The following LINGO1 variants were observed in gnomAD, a reference collection of about 807,000 sequenced individuals.
The protein encoded by LINGO1 is leucine rich repeat and Ig domain containing 1.
Under a neutral mutation model 37.3 loss-of-function variants are expected in LINGO1, and 11 were observed. The ratio of observed to expected loss-of-function variants is 0.29; its 90% CI spans 0.19 to 0.49. The LOEUF (loss-of-function observed/expected upper bound fraction) is 0.49, where lower values mean the gene tolerates loss of function less well. Ranked by LOEUF, LINGO1 falls within the 20% of genes least tolerant of loss-of-function variation. LINGO1 has a pLI of 0.99. For missense variants in LINGO1, 585 were observed against 878.2 expected, an observed-to-expected ratio of 0.67 and a Z score of 4.22; for synonymous variants, 387 against 403.0, an observed-to-expected ratio of 0.96 and a Z score of 0.48.
chr15:77,658,785 A>C (rs943492936), intron 3 of LINGO1, among the ~76,000 whole-genome samples: 1 of 152,216 alleles, frequency 6.6e-6, no homozygotes, highest in Non-Finnish European at 1.5e-5. Context: ...TGAGTCCTGA[A>C]CATGATGAAA....
chr15:77,777,703 G>C (rs1312950933), intron 1 of LINGO1, among the ~76,000 whole-genome samples: 1 of 152,156 alleles, frequency 6.6e-6, no homozygotes, highest in African/African-American at 2.4e-5. Context: ...GCGGCAGGAG[G>C]ATTCTTAAGG....
chr15:77,704,535 C>G (rs546407651), intron 2 of LINGO1, among the ~76,000 whole-genome samples: 4 of 150,994 alleles, frequency 2.6e-5, no homozygotes, highest in Admixed American at 6.6e-5. Flanking sequence ...AGCCCCAACC[C>G]TGGCCACACA....
At chr15:77,624,465 G>A (rs1447220891) in intron 1 of LINGO1, among the ~76,000 whole-genome samples, 1 of 152,162 alleles carries the variant, frequency 6.6e-6, no homozygotes, top group Admixed American at 6.5e-5. Context: ...GAATGCCCCT[G>A]CCCACCTCAC....
upstream of LINGO1, among the ~76,000 whole-genome samples, chr15:77,699,404 C>T (rs894868000): frequency 9.4e-6 from 1 of 106,410 alleles, no homozygotes; most frequent in African/African-American, 3.5e-5. Context: ...AACCATCATC[C>T]CCACACACAG....
In LINGO1 at chr15:77,712,259, C is replaced by A. The variant is rs556868462; in HGVS notation, c.-194-21358G>T. On this transcript the variant is annotated intron_variant, in intron 2 of 3. Transcript: ENST00000561686. ...CACCATGGCTCCTGGTCAAACCTCC[C>A]AGCTGGCCCTCCAGCTCCTCTCCTT... Among the ~76,000 whole-genome samples, 11 of 152,260 alleles carry A rather than the reference C, an allele frequency of 7.2e-5. No individual in the cohort carries two copies. In the South Asian group the frequency reaches 1.9e-3, roughly 26 times the overall value.
intron 2 of LINGO1, among the ~76,000 whole-genome samples, chr15:77,689,515 C>A (rs2075567167): frequency 6.6e-6 from 1 of 152,214 alleles, no homozygotes; most frequent in Non-Finnish European, 1.5e-5. Context: ...TGGGGGCCAC[C>A]TCACCTGGGC....
At chr15:77,650,824 T>TA (rs897642074) in intron 3 of LINGO1, among the ~76,000 whole-genome samples, 3 of 151,796 alleles carry the variant, frequency 2.0e-5, no homozygotes, top group Non-Finnish European at 2.9e-5. Context: ...GGTGATGGGA[T>TA]AAGGACTGAG....
intron 1 of LINGO1, among the ~76,000 whole-genome samples, chr15:77,800,110 G>A (rs1325629266): frequency 6.6e-6 from 1 of 152,224 alleles, no homozygotes; most frequent in African/African-American, 2.4e-5. Context: ...GGAGGGACTA[G>A]GATTGGCTCA....
At chr15:77,778,464 G>A (rs1017157743) in intron 1 of LINGO1, among the ~76,000 whole-genome samples, 3 of 152,098 alleles carry the variant, frequency 2.0e-5, no homozygotes, top group African/African-American at 4.8e-5. Context: ...GACAACTAAC[G>A]GGCACATCAA....
intron 3 of LINGO1, chr15:77,648,251 C>G (rs1048675789): frequency 2.6e-4 from 64 of 242,864 alleles, no homozygotes; most frequent in South Asian, 6.1e-4. Context: ...CTGTGCTAGA[C>G]ACTTCACATG....
upstream of LINGO1, chr15:77,634,228 T>G (rs1478631626): frequency 2.3e-6 from 1 of 441,586 alleles, no homozygotes; most frequent in Non-Finnish European, 4.4e-6. Context: ...AACAGCACCT[T>G]GTTTCTCGCT....
intron 1 of LINGO1, among the ~76,000 whole-genome samples, chr15:77,754,074 A>C (rs924318709): frequency 6.6e-6 from 1 of 151,150 alleles, no homozygotes; most frequent in Admixed American, 6.6e-5. Context: ...TGGGAGAGAG[A>C]GTGGGAGCAG....
chr15:77,682,550 AGC>A (rs928108837), intron 2 of LINGO1, among the ~76,000 whole-genome samples: 3 of 151,904 alleles, frequency 2.0e-5, no homozygotes, highest in African/African-American at 7.3e-5. Flanking sequence ...TCAGTCATGT[AGC>A]CCCCCAAGCC....
intron 1 of LINGO1, among the ~76,000 whole-genome samples, chr15:77,622,664 G>A (rs948849067): frequency 1.3e-5 from 2 of 152,190 alleles, no homozygotes; most frequent in African/African-American, 2.4e-5. Flanking sequence ...GCGTGTTAGC[G>A]GGAACTGTGC....
chr15:77,666,362 C>T (rs2075130340), intron 3 of LINGO1, among the ~76,000 whole-genome samples: 1 of 152,220 alleles, frequency 6.6e-6, no homozygotes, highest in East Asian at 1.9e-4. Context: ...AGCAGGCACA[C>T]ATCAGAGAAC....
intron 1 of LINGO1, among the ~76,000 whole-genome samples, chr15:77,619,608 G>A (rs1164601430): frequency 2.0e-5 from 3 of 152,010 alleles, no homozygotes; most frequent in East Asian, 1.9e-4. Flanking sequence ...AATCCCTTGA[G>A]GCCAGGAGTT....
At chr15:77,707,389 C>T (rs1215150169) in intron 2 of LINGO1, 2 of 152,238 alleles carry the variant, frequency 1.3e-5, no homozygotes, top group Non-Finnish European at 2.9e-5. Flanking sequence ...ACAGACCCTA[C>T]TCACCATGAC....
intron 2 of LINGO1, among the ~76,000 whole-genome samples, chr15:77,711,388 C>A (rs866337849): frequency 1.3e-5 from 2 of 152,228 alleles, no homozygotes; most frequent in Admixed American, 1.3e-4. Flanking sequence ...AAGATTCCAT[C>A]CTCCTTTGAC....
upstream of LINGO1, among the ~76,000 whole-genome samples, chr15:77,699,773 A>ACCTGCACACAG (rs2075756865): frequency 1.0e-3 from 157 of 149,870 alleles, no homozygotes; most frequent in Middle Eastern, 7.0e-3. Flanking sequence ...ACTAACCATC[A>ACCTGCACACAG]TTCCCCCCCT....
Sources: allele counts gnomAD v4.1 joint callset (sites outside exome capture counted in the v4.1 genomes callset), GRCh38; gene constraint gnomAD v4.1.1; transcripts MANE v1.5; gene names NCBI Gene and HGNC (gene_info 2026-07-23, HGNC 2026-07-21).